The following ZNF18 variants were observed in gnomAD, a reference collection of about 807,000 sequenced individuals.
The protein encoded by ZNF18 is heart development-specific gene 1 protein.
ZNF18 carries 42 observed loss-of-function variants against 58.1 expected under a neutral mutation model. The ratio of observed to expected loss-of-function variants is 0.72; its 90% CI spans 0.56 to 0.93. The LOEUF (loss-of-function observed/expected upper bound fraction) is 0.93. Among genes scored for constraint, ZNF18 ranks in the 40% least tolerant of loss-of-function variants. The pLI is 0.00. For missense variants in ZNF18, 540 were observed against 644.2 expected (o/e 0.84, Z 1.75); for synonymous variants, 231 against 239.8 (o/e 0.96, Z 0.34).
intron 4 of ZNF18, among the ~76,000 whole-genome samples, chr17:11,990,061 G>GA (rs902373343): frequency 1.7e-4 from 26 of 150,186 alleles, no homozygotes; most frequent in East Asian, 1.6e-3. Context: ...AAGCGAGACA[G>GA]AAAAAAAAAT....
At chr17:11,986,986 G>T (rs533158161) in intron 4 of ZNF18, among the ~76,000 whole-genome samples, 16 of 152,310 alleles carry the variant, frequency 1.1e-4, no homozygotes, top group Admixed American at 1.0e-3. Flanking sequence ...AAACTGCCAA[G>T]AAGCTGGGTA....
At chr17:12,014,408 A>AT in the ZNF18 span, among the ~76,000 whole-genome samples, 4 of 152,238 alleles carry the variant, frequency 2.6e-5, no homozygotes, top group Admixed American at 6.5e-5. Context: ...AGACAAATGG[A>AT]TAAACAAAAT....
chr17:11,981,585 A>C, intron 6 of ZNF18, among the ~76,000 whole-genome samples: 1 of 134,510 alleles, frequency 7.4e-6, no homozygotes, highest in African/African-American at 2.9e-5. Flanking sequence ...TAGACTCCTC[A>C]CATCTGGTTA....
Position 11,984,183 on chromosome 17 carries a change from TTGTC to T in ZNF18, c.677_680del (p.Arg226AsnfsTer34). 6.2e-7 allele frequency: 1 copy of T among 1,609,482 alleles called. No individual in the cohort carries two copies. Among genetic ancestry groups the T allele is most frequent in the Non-Finnish European group, 8.5e-7 (1 of 1,178,508 alleles). On this transcript the variant is annotated frameshift_variant, in exon 5 of 7. Coordinates refer to ENST00000580306, the MANE Select transcript of ZNF18 (RefSeq NM_001303281.2). LOFTEE classifies it high-confidence loss of function. ...ATTGCTCCTTTTGAGTGGAATCCAGTTGTCTCCACTGTTCCTGGAAAAAAAAAAA... is the reference window on the plus strand; with the variant it reads ...ATTGCTCCTTTTGAGTGGAATCCAGTTCCACTGTTCCTGGAAAAAAAAAAA...
the ZNF18 span, among the ~76,000 whole-genome samples, chr17:12,004,704 T>C: frequency 1.3e-5 from 2 of 151,960 alleles, no homozygotes; most frequent in East Asian, 1.9e-4. Context: ...CTGGCCAACA[T>C]AGAGAAACCA....
Position 11,992,724 on chromosome 17 carries a change from T to G in ZNF18, c.106A>C (p.Ser36Arg). ...AAAAGCTGGCGTGCGGTCTCAGGGC[T>G]GGAGAGTTCCTCTTGAAGGGCAGCA... ...SDAALQEELSSPETARQLFRQ... is the reference protein window; with the variant it reads ...SDAALQEELSRPETARQLFRQ... The change falls in exon 2 of 7, where the codon AGC becomes CGC. Residue 36 changes from serine (S) to arginine (R), a missense_variant. Physicochemically the swap from Ser to Arg is moderately radical, Grantham distance 110. Coordinates refer to ENST00000580306, the MANE Select transcript of ZNF18 (RefSeq NM_001303281.2). The G allele has an allele frequency of 6.2e-7, 1 of 1,614,268 alleles. No individual in the cohort carries two copies. The highest frequency in any genetic ancestry group is 8.5e-7 in the Non-Finnish European group (1 of 1,180,052).
At chr17:12,011,872 T>G in the ZNF18 span, among the ~76,000 whole-genome samples, 1 of 151,494 alleles carries the variant, frequency 6.6e-6, no homozygotes, top group Non-Finnish European at 1.5e-5. Flanking sequence ...AGCTAATTTT[T>G]GTATTTTTAG....
chr17:11,998,747 T>G (rs1319608118), upstream of ZNF18, among the ~76,000 whole-genome samples: 1 of 152,086 alleles, frequency 6.6e-6, no homozygotes, highest in Non-Finnish European at 1.5e-5. Flanking sequence ...ACATGTTCTC[T>G]TAAGTCCCAG....
At chr17:12,011,764 G>C in the ZNF18 span, among the ~76,000 whole-genome samples, 1 of 139,586 alleles carries the variant, frequency 7.2e-6, no homozygotes, top group African/African-American at 2.7e-5. Flanking sequence ...GCAGTGGCAC[G>C]ATCTTGGCTC....
chr17:11,982,361 T>C (rs778129652), intron 6 of ZNF18, among the ~76,000 whole-genome samples: 3 of 152,204 alleles, frequency 2.0e-5, no homozygotes, highest in Non-Finnish European at 4.4e-5. Flanking sequence ...AATCTTATTG[T>C]GTTTTTTTTT....
At chr17:12,004,974 G>A in the ZNF18 span, among the ~76,000 whole-genome samples, 1 of 150,036 alleles carries the variant, frequency 6.7e-6, no homozygotes, top group Admixed American at 6.7e-5. Context: ...GTATATTTAT[G>A]TGTATATTTA....
chr17:11,977,822 A>G lies in ZNF18; in HGVS notation c.*135T>C. 9.2e-7 allele frequency: 1 copy of G among 1,081,278 alleles called. No individual in the cohort carries two copies. Among genetic ancestry groups the G allele is most frequent in the Non-Finnish European group, 1.3e-6 (1 of 756,424 alleles). The allele number at this position is 1,081,278 out of a possible 1,614,324, so 67.0% of individuals were successfully genotyped here. On this transcript the variant is annotated 3_prime_UTR_variant, in exon 7 of 7. Coordinates refer to ENST00000580306, the MANE Select transcript of ZNF18 (RefSeq NM_001303281.2). ...CCTCCAAGTCCAAAGCCATGTCCAG[A>G]TTCTCTCCTCTCCAATCCAAGAAAA...
At chr17:12,003,810 G>GTTAAGTTAAGTTGT in the ZNF18 span, among the ~76,000 whole-genome samples, 2 of 152,202 alleles carry the variant, frequency 1.3e-5, no homozygotes, top group Admixed American at 1.3e-4. Context: ...AAGAAGTTAA[G>GTTAAGTTAAGTTGT]CTTCACTGGT....
chr17:11,987,682 AAAC>A lies in ZNF18; in HGVS notation c.666+2777_666+2779del, dbSNP rs567736934. 2.9e-4 allele frequency among the ~76,000 whole-genome samples: 44 copies of A among 152,352 alleles called. 1 individual carries two copies. The highest frequency in any genetic ancestry group is 3.3e-4 in the Admixed American group (5 of 15,308). On this transcript the variant is annotated intron_variant, in intron 4 of 6. Transcript: ENST00000580306. ...TGAGGATACTCTGTACCTACTACAGAAACAACAATAATCCTCCAAGCCTGGTTG... is the reference window on the plus strand; with the variant it reads ...TGAGGATACTCTGTACCTACTACAGAAACAATAATCCTCCAAGCCTGGTTG...
chr17:11,982,253 A>G (rs1183850048), intron 6 of ZNF18, among the ~76,000 whole-genome samples: 1 of 152,256 alleles, frequency 6.6e-6, no homozygotes, highest in African/African-American at 2.4e-5. Context: ...CTAAGGCAGT[A>G]ATCGATATAT....
At chr17:11,978,810 AAG>A (rs1428518153) in intron 6 of ZNF18, 66 bp from the exon 7 acceptor site, 2 of 862,738 alleles carry the variant, frequency 2.3e-6, no homozygotes, top group African/African-American at 3.5e-5. Flanking sequence ...TCATATGTCA[AAG>A]AGAGGGTCAT....
rs1597941269 is a variant in ZNF18 at position 11,978,430 on chromosome 17, T to G, written c.1177A>C (p.Thr393Pro). The G allele has an allele frequency of 6.5e-7, 1 of 1,550,170 alleles. No individual in the cohort carries two copies. Among genetic ancestry groups the G allele is most frequent in the Admixed American group, 2.0e-5 (1 of 50,074 alleles). The change falls in exon 7 of 7, where the codon ACC (threonine) becomes CCC (proline). Residue 393 changes from threonine (T) to proline (P), a missense_variant. Transcript: ENST00000580306. Reference sequence around the variant, plus strand: ...GCTCTTGGCTGCCCCTTCTGGGAGGTCTCTCTCTTCTCCTCAAGCCACATG... The same window carrying G: ...GCTCTTGGCTGCCCCTTCTGGGAGGGCTCTCTCTTCTCCTCAAGCCACATG... ...STMWLEEKRE[T>P]SQKGQPRAPM...
chr17:12,010,746 C>A, the ZNF18 span: 1 of 290,572 alleles, frequency 3.4e-6, no homozygotes, highest in South Asian at 4.6e-5. Flanking sequence ...CTTACTATGC[C>A]ATGAATTCAT....
At chr17:11,999,154 G>A (rs1013866094), upstream of ZNF18, among the ~76,000 whole-genome samples, 2 of 152,162 alleles carry the variant, frequency 1.3e-5, no homozygotes, top group African/African-American at 2.4e-5. Context: ...AAGATTATAG[G>A]AGTTTTATCT....
Sources: allele counts gnomAD v4.1 joint callset (sites outside exome capture counted in the v4.1 genomes callset), GRCh38; gene constraint gnomAD v4.1.1; transcripts MANE v1.5; gene names NCBI Gene and HGNC (gene_info 2026-07-23, HGNC 2026-07-21).